The following TAFA5 variants were observed in gnomAD, a reference collection of about 807,000 sequenced individuals.
TAFA5 encodes TAFA chemokine like family member 5.
TAFA5 carries 6 observed loss-of-function variants against 15.3 expected under a neutral mutation model. The ratio of observed to expected loss-of-function variants is 0.39; its 90% confidence interval spans 0.21 to 0.77. The LOEUF (loss-of-function observed/expected upper bound fraction) is 0.77, where lower values mean the gene tolerates loss of function less well. Among genes scored for constraint, TAFA5 ranks in the 30% least tolerant of loss-of-function variants. TAFA5 has a pLI of 0.41. For missense variants in TAFA5, 161 were observed against 193.1 expected (o/e 0.83, Z 0.98); for synonymous variants, 103 against 80.7 (o/e 1.28, Z -1.48).
intron 1 of TAFA5, among the ~76,000 whole-genome samples, chr22:48,555,007 A>G (rs1042785375): frequency 6.6e-6 from 1 of 152,124 alleles, no homozygotes. Flanking sequence ...GGGCTCTGAG[A>G]TCTCCGATGG....
intron 1 of TAFA5, among the ~76,000 whole-genome samples, chr22:48,593,505 G>A (rs1924650637): frequency 6.6e-6 from 1 of 152,118 alleles, no homozygotes; most frequent in Admixed American, 6.5e-5. Context: ...CAGGACTGAT[G>A]GGGGTGGCTG....
intron 1 of TAFA5, among the ~76,000 whole-genome samples, chr22:48,578,970 A>G (rs1923927080): frequency 6.6e-6 from 1 of 152,196 alleles, no homozygotes; most frequent in South Asian, 2.1e-4. Context: ...CGGGTGGACA[A>G]TTGTGACTTG....
chr22:48,588,130 A>C (rs535938315), intron 1 of TAFA5, among the ~76,000 whole-genome samples: 8 of 152,176 alleles, frequency 5.3e-5, no homozygotes, highest in Admixed American at 5.2e-4. Context: ...AGGGGTCAGC[A>C]TTGGCCTTGA....
chr22:48,713,774 C>T (rs1352878371), intron 3 of TAFA5, among the ~76,000 whole-genome samples: 1 of 152,236 alleles, frequency 6.6e-6, no homozygotes, highest in Non-Finnish European at 1.5e-5. Context: ...ATCCTTGCCC[C>T]TGAGCTTCCT....
intron 1 of TAFA5, among the ~76,000 whole-genome samples, chr22:48,580,217 T>C (rs144741756): frequency 0.011 from 1,680 of 152,206 alleles, 15 homozygotes; most frequent in Non-Finnish European, 0.017. Flanking sequence ...AAATGAGGCG[T>C]CCTCCTGCAA....
chr22:48,519,521 G>C (rs907507956), intron 1 of TAFA5, among the ~76,000 whole-genome samples: 4 of 152,084 alleles, frequency 2.6e-5, no homozygotes, highest in African/African-American at 9.7e-5. Context: ...TTATGTGAAG[G>C]GGGGGATGCC....
chr22:48,718,509 C>T (rs895503664), intron 3 of TAFA5, among the ~76,000 whole-genome samples: 7 of 152,096 alleles, frequency 4.6e-5, no homozygotes, highest in South Asian at 2.1e-4. Context: ...GCCATCCTCC[C>T]GTGCGACCTG....
At chr22:48,636,313 G>A (rs892836819) in intron 1 of TAFA5, among the ~76,000 whole-genome samples, 21 of 152,186 alleles carry the variant, frequency 1.4e-4, no homozygotes, top group Non-Finnish European at 2.9e-4. Flanking sequence ...TGATCTCCTC[G>A]CACACATATA....
chr22:48,551,299 C>G (rs577482568), intron 1 of TAFA5, among the ~76,000 whole-genome samples: 1 of 152,144 alleles, frequency 6.6e-6, no homozygotes, highest in East Asian at 1.9e-4. Context: ...GAGGAAAACA[C>G]CAGCCGAGGG....
At position 48,550,488 on chromosome 22, in the gene TAFA5, C is replaced by T. The variant is rs187289405; in HGVS notation, c.112+60784C>T. 1.3e-3 allele frequency among the ~76,000 whole-genome samples: 197 copies of T among 152,296 alleles called. 3 individuals carry two copies. In the South Asian group the frequency reaches 0.02, roughly 16 times the overall value. ...ATGGAACCAGATGTGAGGGCTTTGA[C>T]CCCCACGGAGCCAGGTGCCCCTGGG... On this transcript the variant is annotated intron_variant, in intron 1 of 3. Transcript: ENST00000402357. This position sits in a 1 kb window ranked among gnomAD's most constrained non-coding sequence, Gnocchi z 4.1.
intron 1 of TAFA5, among the ~76,000 whole-genome samples, chr22:48,614,885 A>G (rs1001162360): frequency 6.6e-6 from 1 of 151,996 alleles, no homozygotes; most frequent in African/African-American, 2.4e-5. Context: ...GGCCCTGGAG[A>G]GAAGGCCGGG....
rs149461370 is a variant in TAFA5, at chr22:48,522,115, CGTT to C, written c.112+32415_112+32417del. Among the ~76,000 whole-genome samples the C allele has an allele frequency of 0.018, 2,784 of 152,288 alleles. 130 individuals carry two copies. The East Asian group carries it at 0.18, about 10-fold the overall frequency. On this transcript the variant is annotated intron_variant, in intron 1 of 3. Transcript: ENST00000402357. ...CCAGCATTGGCTTAAACAGCAAGGA[CGTT>C]GTTTTGTTTTTGTTTTTTCCCACGT...
intron 2 of TAFA5, among the ~76,000 whole-genome samples, chr22:48,695,504 A>C (rs909129967): frequency 8.5e-5 from 13 of 152,160 alleles, no homozygotes; most frequent in Non-Finnish European, 1.8e-4. Flanking sequence ...GTTCATGAGC[A>C]CCTCGGGGCT....
At chr22:48,663,625 A>G (rs1367556012) in intron 2 of TAFA5, among the ~76,000 whole-genome samples, 3 of 152,270 alleles carry the variant, frequency 2.0e-5, no homozygotes, top group African/African-American at 7.2e-5. Context: ...AATATTAAAT[A>G]GAAATTTCCA....
chr22:48,568,572 G>A (rs1923480946), intron 1 of TAFA5, among the ~76,000 whole-genome samples: 1 of 152,244 alleles, frequency 6.6e-6, no homozygotes, highest in Non-Finnish European at 1.5e-5. Flanking sequence ...ACATGCAGGA[G>A]GAAAAGGAGG....
Position 48,497,020 on chromosome 22 carries a change from G to A in TAFA5, c.112+7316G>A, listed in dbSNP as rs541652540. Among the ~76,000 whole-genome samples, 542 of 152,300 alleles carry A rather than the reference G, an allele frequency of 3.6e-3. 6 individuals carry two copies. Among genetic ancestry groups the A allele is most frequent in the Middle Eastern group, 0.017 (5 of 294 alleles). ...GCTGGACTGGAGGCCCCCTCCTTAT[G>A]GGGAGCGGTGGGGCTGGTCCCGCAC... On this transcript the variant is annotated intron_variant, in intron 1 of 3. Coordinates refer to ENST00000402357, the MANE Select transcript of TAFA5 (RefSeq NM_001082967.3).
At chr22:48,524,675 G>A (rs780735250) in intron 1 of TAFA5, among the ~76,000 whole-genome samples, 19 of 152,182 alleles carry the variant, frequency 1.2e-4, no homozygotes, top group Non-Finnish European at 2.5e-4. Flanking sequence ...ACGCCATCTC[G>A]ACAAGGATGC....
intron 3 of TAFA5, among the ~76,000 whole-genome samples, chr22:48,718,442 C>A (rs1394440728): frequency 6.6e-6 from 1 of 152,146 alleles, no homozygotes; most frequent in Non-Finnish European, 1.5e-5. Flanking sequence ...AGTTACCAGG[C>A]AGCCAACCAC....
chr22:48,590,653 G>A (rs1924535231), intron 1 of TAFA5, among the ~76,000 whole-genome samples: 1 of 152,158 alleles, frequency 6.6e-6, no homozygotes, highest in African/African-American at 2.4e-5. Context: ...GAGCCCACCG[G>A]CTGGTGTACC....
Sources: gnomAD v4.1 joint callset for allele counts (sites outside exome capture counted in the v4.1 genomes callset) on GRCh38, gnomAD v4.1.1 for gene constraint, Gnocchi (gnomAD v3.1) non-coding constraint, MANE v1.5 for transcripts, NCBI Gene and HGNC (gene_info 2026-07-23, HGNC 2026-07-21) for gene names.